TK2: variants seen among roughly 807,000 people sequenced by gnomAD.
TK2 encodes the protein thymidine kinase 2, mitochondrial.
TK2 carries 35 observed loss-of-function variants against 41.9 expected under a neutral mutation model. The ratio of observed to expected loss-of-function variants is 0.84; its 90% confidence interval spans 0.64 to 1.11. The LOEUF is 1.11. Among genes scored for constraint, TK2 ranks in the 50% least tolerant of loss-of-function variants. The pLI is 0.00. For missense variants in TK2, 320 were observed against 351.1 expected, an observed-to-expected ratio of 0.91 and a Z score of 0.71; for synonymous variants, 128 against 129.1, an observed-to-expected ratio of 0.99 and a Z score of 0.06.
rs1442990421 is a variant in TK2 at position 66,517,764 on chromosome 16, G to C, written c.538+25C>G. On this transcript the variant is annotated intron_variant, in intron 7 of 9. Coordinates refer to ENST00000544898, the MANE Select transcript of TK2 (RefSeq NM_004614.5). This position sits in a 1 kb window ranked among gnomAD's most constrained non-coding sequence, Gnocchi z 4.3. The stretch of plus-strand genomic sequence containing the variant: ...AGGGACCCAGGAGAGAGACAAGAGA[G>C]GGAGGTGGGAGGGGTGCATCTCACC... The C allele has an allele frequency of 6.2e-7, 1 of 1,608,050 alleles. No homozygotes were observed. Among genetic ancestry groups the C allele is most frequent in the Non-Finnish European group, 8.5e-7 (1 of 1,174,478 alleles).
At position 66,550,105 on chromosome 16, in the gene TK2, G is replaced by A. The variant is rs1965750904; in HGVS notation, c.-44C>T. The A allele has an allele frequency of 6.2e-7, 1 of 1,608,762 alleles. No homozygotes were observed. Among genetic ancestry groups the A allele is most frequent in the Admixed American group, 1.7e-5 (1 of 59,344 alleles). ...AGAGGCCCGGGGTTCCTTCTTGTGC[G>A]AGTCGGCGCGGACGACTGCTAGTCC... is the stretch of plus-strand genomic sequence containing the variant. On this transcript the variant is annotated 5_prime_UTR_variant, in exon 1 of 10. Transcript: ENST00000544898.
chr16:66,516,085 A>G (rs563549528), intron 8 of TK2, among the ~76,000 whole-genome samples: 85 of 152,012 alleles, frequency 5.6e-4, no homozygotes, highest in African/African-American at 2.0e-3. Context: ...ATAAGACCCA[A>G]TCTTAAAAAG....
intron 4 of TK2, among the ~76,000 whole-genome samples, chr16:66,534,797 C>G (rs1255946814): frequency 1.3e-5 from 2 of 152,254 alleles, no homozygotes; most frequent in Non-Finnish European, 2.9e-5. Flanking sequence ...CTCCAGCATA[C>G]TTGCTAAGAA....
At position 66,508,351 on chromosome 16, in the gene TK2, A is replaced by G. The variant is rs998059742; in HGVS notation, c.*3617T>C. 6.6e-6 allele frequency: 1 copy of G among 152,294 alleles called. No individual in the cohort carries two copies. Among genetic ancestry groups the G allele is most frequent in the African/African-American group, 2.4e-5 (1 of 41,480 alleles). The allele number at this position is 152,294 out of a possible 1,614,324, so 9.4% of individuals were successfully genotyped here. On this transcript the variant is annotated 3_prime_UTR_variant, in exon 10 of 10. Transcript: ENST00000544898. ...GAGGGGATGGGATTATTAGGAAAAG[A>G]AAGTGTGTGCCAGTAACCCTGAGGC...
chr16:66,532,129 CAAA>C (rs11334281), intron 4 of TK2, among the ~76,000 whole-genome samples: 9 of 75,620 alleles, frequency 1.2e-4, no homozygotes, highest in South Asian at 4.1e-4. Context: ...TTGAAATGAC[CAAA>C]AAAAAAAAAA....
intron 4 of TK2, among the ~76,000 whole-genome samples, chr16:66,534,986 T>C (rs1458380495): frequency 6.6e-6 from 1 of 152,186 alleles, no homozygotes; most frequent in African/African-American, 2.4e-5. Flanking sequence ...CCCGGCCTTT[T>C]CCTCATTTTT....
At position 66,549,009 on chromosome 16, in the gene TK2, T is replaced by C; in HGVS notation, c.125A>G (p.Asp42Gly). The change falls in exon 2 of 10, where the codon GAT becomes GGT. Residue 42 changes from aspartate to glycine, a missense_variant and splice_region_variant. By Grantham distance (94) the Asp-to-Gly change is moderately conservative. Coordinates refer to ENST00000544898, the MANE Select transcript of TK2 (RefSeq NM_004614.5). ...RRVQRRAWPPDKEQEKEKKSV... is the reference protein window; with the variant it reads ...RRVQRRAWPPGKEQEKEKKSV... ...TTTTTTCTCTTTTTCCTGTTCTTTA[T>C]CTACAAAAGAAAGGAAATCAGTTTT... 4 of 1,613,800 alleles carry C rather than the reference T, an allele frequency of 2.5e-6. No individual in the cohort carries two copies. The highest frequency in any genetic ancestry group is 3.4e-6 in the Non-Finnish European group (4 of 1,179,704).
At chr16:66,537,109 GA>G in intron 3 of TK2, 92 bp from the exon 4 acceptor site, 1 of 1,537,590 alleles carries the variant, frequency 6.5e-7, no homozygotes. Flanking sequence ...GGAGAGAAGG[GA>G]AAAAGAGAGA....
Position 66,541,937 on chromosome 16 carries a change from T to G in TK2, c.173A>C (p.Asn58Thr). 6.2e-7 allele frequency: 1 copy of G among 1,614,134 alleles called. No individual in the cohort carries two copies. The highest frequency in any genetic ancestry group is 1.3e-5 in the African/African-American group (1 of 75,012). Residue 58 changes from asparagine to threonine, a missense_variant, in exon 3 of 10, where the codon AAT becomes ACT. Asn to Thr is a moderately conservative substitution (Grantham distance 65). Transcript: ENST00000544898. ...GCATGTCGTCTTCCCACTTGCAATA[T>G]TGCCCTCGACACAGATCTGGCAAAA... ...EKKSVICVEG[N>T]IASGKTTCLE...
At chr16:66,524,491 A>T (rs1028415952) in intron 6 of TK2, among the ~76,000 whole-genome samples, 1 of 152,146 alleles carries the variant, frequency 6.6e-6, no homozygotes, top group Non-Finnish European at 1.5e-5. Flanking sequence ...GTGCACCACC[A>T]GGCCCAGCTA....
chr16:66,532,931 G>A (rs1965160750), intron 4 of TK2, among the ~76,000 whole-genome samples: 1 of 151,880 alleles, frequency 6.6e-6, no homozygotes. Flanking sequence ...AAGCAATCCT[G>A]AGCAAAAAAA....
Position 66,513,680 on chromosome 16 carries a change from T to A in TK2, c.699+51A>T, listed in dbSNP as rs748188311. Reference sequence around the variant, plus strand: ...TGCAAGGTGGCTGACATTCCCCGGGTCACTCCTCTTTCTAGAACAGTCTCG... The same window carrying A: ...TGCAAGGTGGCTGACATTCCCCGGGACACTCCTCTTTCTAGAACAGTCTCG... On this transcript the variant is annotated intron_variant, in intron 9 of 9. Coordinates refer to ENST00000544898, the MANE Select transcript of TK2 (RefSeq NM_004614.5). The A allele has an allele frequency of 1.9e-6, 3 of 1,557,050 alleles. No individual in the cohort carries two copies. The African/African-American group carries it at 4.1e-5, about 21-fold the overall frequency.
In TK2 at chr16:66,550,049, GCCA is replaced by G. The variant is rs1567544387; in HGVS notation, c.10_12del (p.Trp4del). 6.4e-7 allele frequency: 1 copy of G among 1,573,216 alleles called. No homozygotes were observed. Among genetic ancestry groups the G allele is most frequent in the Admixed American group, 1.9e-5 (1 of 53,094 alleles). On this transcript the variant is annotated inframe_deletion, in exon 1 of 10. Coordinates refer to ENST00000544898, the MANE Select transcript of TK2 (RefSeq NM_004614.5). ...GCCCGGGCGGCCCAGCCCCGCAGCG[GCCA>G]CAGCAGCATAGCCGGGCGAGCGGAT...
At chr16:66,541,381 T>G (rs746824926) in intron 3 of TK2, among the ~76,000 whole-genome samples, 13 of 152,148 alleles carry the variant, frequency 8.5e-5, no homozygotes, top group African/African-American at 2.4e-4. Flanking sequence ...ATGATCACAT[T>G]TGGCATATGT....
intron 6 of TK2, among the ~76,000 whole-genome samples, chr16:66,526,063 G>A (rs557463816): frequency 2.6e-5 from 4 of 152,292 alleles, no homozygotes; most frequent in Non-Finnish European, 2.9e-5. Context: ...GACCATGGGC[G>A]TGAGTTACCA....
chr16:66,517,201 T>C lies in TK2; in HGVS notation c.553A>G (p.Asn185Asp). The change falls in exon 8 of 10, where the codon AAT becomes GAT. Residue 185 changes from asparagine (N) to aspartate (D), a missense_variant. By Grantham distance (23) the Asn-to-Asp change is conservative. Transcript: ENST00000544898. The surrounding 1 kb of genome is among the most constrained non-coding windows in gnomAD (Gnocchi z 4.3). ...AACCTCTGGTAACAAGTCTCAGGAT[T>C]GGTCCGAAGGTAAACTGAGGTTAAA... ...SVDLIVYLRT[N>D]PETCYQRLKK... The C allele has an allele frequency of 6.2e-7, 1 of 1,614,166 alleles. No homozygotes were observed. Among genetic ancestry groups the C allele is most frequent in the Non-Finnish European group, 8.5e-7 (1 of 1,180,002 alleles).
intron 4 of TK2, among the ~76,000 whole-genome samples, chr16:66,532,492 C>T (rs1309700155): frequency 6.6e-6 from 1 of 151,900 alleles, no homozygotes; most frequent in Non-Finnish European, 1.5e-5. Flanking sequence ...GTGGTCCTAG[C>T]TACTCTAGAG....
intron 3 of TK2, among the ~76,000 whole-genome samples, chr16:66,540,890 T>C (rs1233460752): frequency 6.6e-6 from 1 of 152,268 alleles, no homozygotes; most frequent in African/African-American, 2.4e-5. Context: ...CACAGGCAAC[T>C]ATTAAGACCT....
intron 2 of TK2, chr16:66,548,157 T>C (rs1965666444): frequency 5.2e-6 from 2 of 386,196 alleles, no homozygotes; most frequent in Non-Finnish European, 5.3e-6. Context: ...TGGCATATCC[T>C]TCTCCTAATT....
Sources: allele counts gnomAD v4.1 joint callset (sites outside exome capture counted in the v4.1 genomes callset), GRCh38; gene constraint gnomAD v4.1.1; non-coding constraint Gnocchi (gnomAD v3.1); transcripts MANE v1.5; gene names NCBI Gene and HGNC (gene_info 2026-07-23, HGNC 2026-07-21).